The following ZNF570 variants were observed in gnomAD, a reference collection of about 807,000 sequenced individuals.
The protein encoded by ZNF570 is zinc finger protein 570.
Under a neutral mutation model 14.2 loss-of-function variants are expected in ZNF570, and 8 were observed. The ratio of observed to expected loss-of-function variants is 0.56; its 90% CI spans 0.33 to 1.02. ZNF570 has a LOEUF of 1.02. ZNF570 is among the 50% of genes least tolerant of loss of function. The pLI is 0.03. For missense variants in ZNF570, 559 were observed against 624.9 expected (o/e 0.89, Z 1.12); for synonymous variants, 202 against 207.6 (o/e 0.97, Z 0.23).
chr19:37,476,584 C>T (rs1279294149), intron 4 of ZNF570, 150 bp downstream of exon 4: 22 of 1,131,782 alleles, frequency 1.9e-5, no homozygotes, highest in Non-Finnish European at 2.4e-5. Context: ...TGTTCTCCCA[C>T]ATTTGTTATT....
chr19:37,467,872 T>A, upstream of ZNF570: 1 of 1,536,084 alleles, frequency 6.5e-7, no homozygotes, highest in South Asian at 1.2e-5. Flanking sequence ...ATTCTGACCT[T>A]GCAGTTTTGT....
intron 2 of ZNF570, among the ~76,000 whole-genome samples, chr19:37,475,512 A>T (rs2042013727): frequency 1.3e-5 from 2 of 152,236 alleles, no homozygotes; most frequent in Non-Finnish European, 2.9e-5. Context: ...CAACTGAGTC[A>T]GAATTTGAAT....
rs1051071790 is a variant in ZNF570 at position 37,485,433 on chromosome 19, T to C, written c.*200T>C. On this transcript the variant is annotated 3_prime_UTR_variant, in exon 5 of 5. Coordinates refer to ENST00000330173, the MANE Select transcript of ZNF570 (RefSeq NM_144694.5). ...TTCTTTTTTTTTCTTTTTGAGACAA[T>C]GTCTTGCTGTGTTGCCCAGGCTGGA... 5.7e-6 allele frequency: 3 copies of C among 525,376 alleles called. No homozygotes were observed. Among genetic ancestry groups the C allele is most frequent in the African/African-American group, 2.0e-5 (1 of 51,104 alleles). 32.5% of individuals were successfully genotyped at this position (525,376 alleles called of 1,614,324 possible).
chr19:37,470,618 A>G (rs780220381), intron 2 of ZNF570, among the ~76,000 whole-genome samples: 5 of 148,864 alleles, frequency 3.4e-5, no homozygotes, highest in Non-Finnish European at 5.9e-5. Context: ...AATTTTTCTC[A>G]TCCTGTCTTT....
At position 37,485,113 on chromosome 19, in the gene ZNF570, C is replaced by G. The variant is rs746387391; in HGVS notation, c.1491C>G (p.Pro497=). Residue 497 remains proline (P), a synonymous_variant, in exon 5 of 5, where the codon CCC becomes CCG. Coordinates refer to ENST00000330173, the MANE Select transcript of ZNF570 (RefSeq NM_144694.5). ...AGAGAATTCATACTGGAGAGAGACC[C>G]TATGAATGTAAGGAATGCAAAAAAA... The part of the protein sequence containing the change: ...QHQRIHTGER[P]YECKECKKTF... The G allele has an allele frequency of 6.2e-7, 1 of 1,613,310 alleles. No homozygotes were observed. The highest frequency in any genetic ancestry group is 1.7e-5 in the Admixed American group (1 of 59,830).
intron 4 of ZNF570, among the ~76,000 whole-genome samples, chr19:37,477,037 A>G (rs2042034107): frequency 6.6e-6 from 1 of 152,020 alleles, no homozygotes; most frequent in Non-Finnish European, 1.5e-5. Context: ...ACAGAGCATC[A>G]GAAGTGTAGG....
At chr19:37,469,007 CT>C (rs2041903372), upstream of ZNF570, 1 of 975,950 alleles carries the variant, frequency 1.0e-6, no homozygotes, top group African/African-American at 1.8e-5. Flanking sequence ...ACCTGCGATT[CT>C]CAACTCCCCG....
chr19:37,484,815 A>G lies in ZNF570; in HGVS notation c.1193A>G (p.Asn398Ser). Residue 398 changes from asparagine (N) to serine (S), a missense_variant, in exon 5 of 5, where the codon AAT becomes AGT. By Grantham distance (46) the Asn-to-Ser change is conservative (BLOSUM62 1). Coordinates refer to ENST00000330173, the MANE Select transcript of ZNF570 (RefSeq NM_144694.5). ...GAATGTGGGAAGGCCTTTAGCCAGAATTCACACCTTGCTCAACATCAGAGA... is the reference window on the plus strand; with the variant it reads ...GAATGTGGGAAGGCCTTTAGCCAGAGTTCACACCTTGCTCAACATCAGAGA... ...CKECGKAFSQ[N>S]SHLAQHQRIH... 1 of 1,613,476 alleles carries G rather than the reference A, an allele frequency of 6.2e-7. No individual in the cohort carries two copies. The highest frequency in any genetic ancestry group is 8.5e-7 in the Non-Finnish European group (1 of 1,179,866).
chr19:37,479,269 A>G (rs2042060330), intron 4 of ZNF570, among the ~76,000 whole-genome samples: 1 of 152,042 alleles, frequency 6.6e-6, no homozygotes, highest in African/African-American at 2.4e-5. Context: ...CTGGTTCTCA[A>G]TGATTTCTTG....
intron 2 of ZNF570, among the ~76,000 whole-genome samples, chr19:37,473,800 G>A (rs1255664907): frequency 6.6e-6 from 1 of 152,202 alleles, no homozygotes; most frequent in Non-Finnish European, 1.5e-5. Context: ...ATTGAAGAGA[G>A]TAACAGTGAG....
At chr19:37,475,328 C>G (rs1335527498) in intron 2 of ZNF570, among the ~76,000 whole-genome samples, 1 of 152,136 alleles carries the variant, frequency 6.6e-6, no homozygotes, top group East Asian at 1.9e-4. Context: ...ACACCCATTT[C>G]TTTACACAAA....
At chr19:37,480,171 C>T (rs1350172657) in intron 4 of ZNF570, among the ~76,000 whole-genome samples, 2 of 152,112 alleles carry the variant, frequency 1.3e-5, no homozygotes, top group South Asian at 2.1e-4. Flanking sequence ...TAATTCTAAT[C>T]TTTATATTTG....
chr19:37,476,191 C>G, intron 3 of ZNF570, 148 bp from the exon 4 acceptor site: 1 of 1,249,440 alleles, frequency 8.0e-7, no homozygotes, highest in Non-Finnish European at 1.1e-6. Flanking sequence ...GAAGCTTCAT[C>G]TTCCTTATCC....
At chr19:37,470,511 T>A (rs1275895523) in intron 2 of ZNF570, 124 bp downstream of exon 2, 2 of 806,678 alleles carry the variant, frequency 2.5e-6, no homozygotes, top group Non-Finnish European at 4.1e-6. Context: ...CACTCTCCAT[T>A]GGATTCCCAT....
intron 2 of ZNF570, among the ~76,000 whole-genome samples, chr19:37,474,402 AAAAAAGGTG>A (rs1354232793): frequency 6.6e-6 from 1 of 152,158 alleles, no homozygotes; most frequent in Non-Finnish European, 1.5e-5. Context: ...ATTAAGTAAG[AAAAAAGGTG>A]ACTGAGCATT....
intron 1 of ZNF570, 48 bp from the exon 2 acceptor site, chr19:37,470,256 G>C: frequency 6.4e-7 from 1 of 1,566,880 alleles, no homozygotes; most frequent in Non-Finnish European, 8.8e-7. Context: ...GGTGATTCTG[G>C]ATGCTGCAAG....
chr19:37,482,297 T>C (rs879390297), intron 4 of ZNF570, among the ~76,000 whole-genome samples: 1 of 152,016 alleles, frequency 6.6e-6, no homozygotes, highest in Non-Finnish European at 1.5e-5. Context: ...CGAAAAGAGG[T>C]TTAACTGGCT....
At position 37,476,352 on chromosome 19, in the gene ZNF570, C is replaced by T; in HGVS notation, c.174C>T (p.Ser58=). ...RILVSLGLCF[S]KPSVILLLEQ... ...TCGTATTTGCAGGACTTTGCTTTTCCAAACCAAGTGTGATATTATTGTTGG... is the reference window on the plus strand; with the variant it reads ...TCGTATTTGCAGGACTTTGCTTTTCTAAACCAAGTGTGATATTATTGTTGG... Residue 58 remains serine, a synonymous_variant, in exon 4 of 5, where the codon TCC becomes TCT. Transcript: ENST00000330173. 1 of 1,613,364 alleles carries T rather than the reference C, an allele frequency of 6.2e-7. No homozygotes were observed. The highest frequency in any genetic ancestry group is 8.5e-7 in the Non-Finnish European group (1 of 1,179,786).
Position 37,488,634 on chromosome 19 carries a change from A to C in ZNF570, c.*3401A>C, listed in dbSNP as rs1421649015. On this transcript the variant is annotated 3_prime_UTR_variant, in exon 5 of 5. Transcript: ENST00000330173. Reference sequence around the variant, plus strand: ...ATAAACTATTTCATAATGCAAAAAAATAAAGAATATTTAAATGATGTTTGC... The same window carrying C: ...ATAAACTATTTCATAATGCAAAAAACTAAAGAATATTTAAATGATGTTTGC... 6.6e-6 allele frequency: 1 copy of C among 152,174 alleles called. No individual in the cohort carries two copies. The highest frequency in any genetic ancestry group is 1.5e-5 in the Non-Finnish European group (1 of 68,040). 9.4% of individuals were successfully genotyped at this position (152,174 alleles called of 1,614,324 possible).
Sources: allele counts gnomAD v4.1 joint callset (sites outside exome capture counted in the v4.1 genomes callset), GRCh38; gene constraint gnomAD v4.1.1; transcripts MANE v1.5; gene names NCBI Gene and HGNC (gene_info 2026-07-23, HGNC 2026-07-21).